Variants in CADPS2 observed in about 807,000 individuals in gnomAD.
CADPS2 encodes calcium dependent secretion activator 2.
Under a neutral mutation model 172.5 loss-of-function variants are expected in CADPS2, and 93 were observed. The ratio of observed to expected loss-of-function variants is 0.54; its 90% CI spans 0.46 to 0.64. The LOEUF (loss-of-function observed/expected upper bound fraction) is 0.64, where lower values mean the gene tolerates loss of function less well. Ranked by LOEUF, CADPS2 falls within the 30% of genes least tolerant of loss-of-function variation. The pLI, the probability that CADPS2 is intolerant of heterozygous loss-of-function variation, is 0.00. For missense variants in CADPS2, 1,420 were observed against 1,565.9 expected (o/e 0.91, Z 1.57); for synonymous variants, 546 against 555.2 (o/e 0.98, Z 0.23).
chr7:122,352,685 T>A (rs538183203), intron 27 of CADPS2, among the ~76,000 whole-genome samples: 2 of 152,330 alleles, frequency 1.3e-5, no homozygotes, highest in African/African-American at 4.8e-5. Flanking sequence ...CTGGCTCTCA[T>A]GCTGATGTAA....
chr7:122,760,535 TAG>T (rs1047841589), intron 1 of CADPS2, among the ~76,000 whole-genome samples: 2 of 151,974 alleles, frequency 1.3e-5, no homozygotes, highest in African/African-American at 4.8e-5. Context: ...CCTGATAATG[TAG>T]AGAGTTCAGT....
At chr7:122,758,322 A>G (rs1257443005) in intron 1 of CADPS2, among the ~76,000 whole-genome samples, 1 of 152,198 alleles carries the variant, frequency 6.6e-6, no homozygotes, top group Admixed American at 6.5e-5. Flanking sequence ...TCAGGCTGAA[A>G]ATAAAGCAAA....
intron 2 of CADPS2, among the ~76,000 whole-genome samples, chr7:122,675,772 G>A (rs2082321802): frequency 6.6e-6 from 1 of 152,112 alleles, no homozygotes; most frequent in Non-Finnish European, 1.5e-5. Flanking sequence ...TAAACAATGA[G>A]AACACATGCA....
chr7:122,760,028 A>G (rs896195600), intron 1 of CADPS2, among the ~76,000 whole-genome samples: 4 of 151,904 alleles, frequency 2.6e-5, no homozygotes, highest in East Asian at 1.9e-4. Flanking sequence ...CACAGCACAT[A>G]TATTTACCTA....
chr7:122,857,980 C>A (rs1183189190), intron 1 of CADPS2, among the ~76,000 whole-genome samples: 1 of 152,104 alleles, frequency 6.6e-6, no homozygotes. Context: ...AAAGACTGAG[C>A]AGTAGCAACA....
chr7:122,676,448 T>G (rs960005667), intron 2 of CADPS2: 1 of 377,966 alleles, frequency 2.6e-6, no homozygotes, highest in Admixed American at 4.5e-5. Context: ...CCTTCAACTT[T>G]GACATTCATT....
intron 29 of CADPS2, among the ~76,000 whole-genome samples, chr7:122,323,873 T>TTATATATATA (rs71159788): frequency 8.9e-5 from 10 of 112,514 alleles, no homozygotes; most frequent in African/African-American, 3.2e-4. Flanking sequence ...TATGTATATT[T>TTATATATATA]TATATATATA....
chr7:122,591,539 G>A (rs112057965), intron 6 of CADPS2, among the ~76,000 whole-genome samples: 91,108 of 151,878 alleles, frequency 0.6, 27,620 homozygotes, highest in African/African-American at 0.7. Flanking sequence ...GACAATCCTA[G>A]GCCAAAAGAA....
At chr7:122,532,365 C>T (rs908539266) in intron 8 of CADPS2, among the ~76,000 whole-genome samples, 1 of 152,058 alleles carries the variant, frequency 6.6e-6, no homozygotes, top group Non-Finnish European at 1.5e-5. Context: ...TACAATATTC[C>T]AAACATATTA....
chr7:122,781,511 C>T (rs1286657516), intron 1 of CADPS2, among the ~76,000 whole-genome samples: 2 of 152,230 alleles, frequency 1.3e-5, no homozygotes, highest in South Asian at 4.1e-4. Context: ...AGAGATTTCA[C>T]ATTTATTTCC....
chr7:122,375,757 A>G (rs2042265147), intron 25 of CADPS2, among the ~76,000 whole-genome samples: 1 of 152,124 alleles, frequency 6.6e-6, no homozygotes, highest in Non-Finnish European at 1.5e-5. Flanking sequence ...TATTTTTTAA[A>G]ATGAGATTAT....
intron 6 of CADPS2, among the ~76,000 whole-genome samples, chr7:122,592,761 C>T (rs1166156532): frequency 6.6e-6 from 1 of 150,852 alleles, no homozygotes; most frequent in Non-Finnish European, 1.5e-5. Context: ...ACCGCATGTT[C>T]TCACTCATAG....
intron 1 of CADPS2, among the ~76,000 whole-genome samples, chr7:122,738,093 A>T (rs969313888): frequency 2.0e-5 from 3 of 152,146 alleles, no homozygotes; most frequent in Non-Finnish European, 2.9e-5. Flanking sequence ...TTTACAACCA[A>T]GGGTCCTTAC....
intron 3 of CADPS2, among the ~76,000 whole-genome samples, chr7:122,648,527 A>C (rs1210926612): frequency 6.6e-6 from 1 of 152,068 alleles, no homozygotes; most frequent in Non-Finnish European, 1.5e-5. Context: ...ATACACCAAG[A>C]GCCTAGAAAA....
intron 9 of CADPS2, among the ~76,000 whole-genome samples, chr7:122,499,055 T>A (rs775890582): frequency 5.9e-5 from 9 of 152,224 alleles, no homozygotes; most frequent in Non-Finnish European, 1.2e-4. Context: ...AGCTTAGGTA[T>A]TTCCCTTATA....
At chr7:122,393,100 G>A in intron 22 of CADPS2, 96 bp downstream of exon 22, 6 of 1,329,514 alleles carry the variant, frequency 4.5e-6, no homozygotes, top group African/African-American at 1.5e-5. Context: ...AACCAACGAT[G>A]ACAAATGCCA....
At chr7:122,696,489 T>C (rs1369458169) in intron 2 of CADPS2, among the ~76,000 whole-genome samples, 3 of 151,476 alleles carry the variant, frequency 2.0e-5, no homozygotes, top group East Asian at 3.9e-4. Context: ...CTCTCCTCCT[T>C]TAGTCTTCCA....
rs187886605 is a variant in CADPS2 at position 122,381,618 on chromosome 7, C to A, written c.3313-2176G>T. Among the ~76,000 whole-genome samples the A allele has an allele frequency of 7.2e-5, 11 of 152,160 alleles. No homozygotes were observed. In the East Asian group the frequency reaches 2.1e-3, roughly 29 times the overall value. Reference sequence around the variant, plus strand: ...CGAGCCACAAAAGAGGTCATTGATACCCATTTTCTTGAAAAGCAGTGAAAG... The same window carrying A: ...CGAGCCACAAAAGAGGTCATTGATAACCATTTTCTTGAAAAGCAGTGAAAG... On this transcript the variant is annotated intron_variant, in intron 24 of 29. Coordinates refer to ENST00000449022, the MANE Select transcript of CADPS2 (RefSeq NM_017954.11).
intron 9 of CADPS2, among the ~76,000 whole-genome samples, chr7:122,507,111 A>T (rs934337639): frequency 6.6e-6 from 1 of 152,158 alleles, no homozygotes; most frequent in Non-Finnish European, 1.5e-5. Context: ...ATGTAAAAAA[A>T]ATTTAATTGG....
Sources: allele counts gnomAD v4.1 joint callset (sites outside exome capture counted in the v4.1 genomes callset), GRCh38; gene constraint gnomAD v4.1.1; transcripts MANE v1.5; gene names NCBI Gene and HGNC (gene_info 2026-07-23, HGNC 2026-07-21).